The following CTIF variants were observed in gnomAD, a reference collection of about 807,000 sequenced individuals.
CTIF encodes CBP80/20-dependent translation initiation factor.
Under a neutral mutation model 66.0 loss-of-function variants are expected in CTIF, and 21 were observed. The observed-to-expected ratio is 0.32, with a 90% CI of 0.23 to 0.46. CTIF has a LOEUF of 0.46. CTIF is among the 20% of genes least tolerant of loss of function. The pLI is 1.00. For missense variants in CTIF, 739 were observed against 812.7 expected, an observed-to-expected ratio of 0.91 and a Z score of 1.10; for synonymous variants, 345 against 326.4, an observed-to-expected ratio of 1.06 and a Z score of -0.62.
intron 7 of CTIF, among the ~76,000 whole-genome samples, chr18:48,730,637 C>T (rs1343867247): frequency 3.6e-5 from 3 of 83,686 alleles, no homozygotes; most frequent in Admixed American, 2.3e-4. Context: ...TGTGAGGGGC[C>T]CCTGTGGTGT....
At chr18:48,553,742 G>A (rs1433616328) in intron 1 of CTIF, among the ~76,000 whole-genome samples, 3 of 150,648 alleles carry the variant, frequency 2.0e-5, no homozygotes, top group Admixed American at 6.6e-5. Context: ...TGCAAGCTCC[G>A]CCTCCCGGGT....
intron 9 of CTIF, among the ~76,000 whole-genome samples, chr18:48,768,531 C>A (rs1909793217): frequency 6.6e-6 from 1 of 152,196 alleles, no homozygotes; most frequent in African/African-American, 2.4e-5. Flanking sequence ...AAGATTGACC[C>A]AGCATCACGA....
At position 48,546,675 on chromosome 18, in the gene CTIF, G is replaced by A. The variant is rs2088758847; in HGVS notation, c.-29+7363G>A. ...TGCTTCCTGGCCTCAAAGCCCAAGGGTTTGAGTCGTGACTGCATCTCCTCC... is the reference window on the plus strand; with the variant it reads ...TGCTTCCTGGCCTCAAAGCCCAAGGATTTGAGTCGTGACTGCATCTCCTCC... On this transcript the variant is annotated intron_variant, in intron 1 of 11. Coordinates refer to ENST00000256413, the MANE Select transcript of CTIF (RefSeq NM_014772.3). 2.0e-5 allele frequency among the ~76,000 whole-genome samples: 3 copies of A among 152,078 alleles called. No individual in the cohort carries two copies. In the South Asian group the frequency reaches 6.2e-4, roughly 32 times the overall value.
At chr18:48,686,387 CA>C (rs2091840258) in intron 6 of CTIF, among the ~76,000 whole-genome samples, 1 of 152,318 alleles carries the variant, frequency 6.6e-6, no homozygotes, top group African/African-American at 2.4e-5. Context: ...GACTTTCAGG[CA>C]TGAGAACTTG....
intron 1 of CTIF, among the ~76,000 whole-genome samples, chr18:48,597,564 G>T (rs1473515444): frequency 5.1e-5 from 5 of 97,938 alleles, no homozygotes; most frequent in African/African-American, 1.7e-4. Flanking sequence ...CCCTCCCCCC[G>T]CCCCACCCCT....
intron 10 of CTIF, among the ~76,000 whole-genome samples, chr18:48,849,582 C>CTT (rs377281281): frequency 2.0e-3 from 232 of 114,402 alleles, no homozygotes; most frequent in Non-Finnish European, 2.8e-3. Flanking sequence ...CCATTTTAAA[C>CTT]TTTTTTTTTT....
At chr18:48,600,013 A>G (rs2090062058) in intron 1 of CTIF, among the ~76,000 whole-genome samples, 1 of 152,130 alleles carries the variant, frequency 6.6e-6, no homozygotes, top group African/African-American at 2.4e-5. Flanking sequence ...GGGACAACTC[A>G]CCTAGCTGCC....
intron 9 of CTIF, among the ~76,000 whole-genome samples, chr18:48,772,345 G>T (rs573414571): frequency 3.2e-4 from 49 of 152,130 alleles, no homozygotes; most frequent in African/African-American, 1.1e-3. Flanking sequence ...TTCACCATCT[G>T]AACTAGTTTT....
chr18:48,796,399 A>G (rs1477914470), intron 9 of CTIF, among the ~76,000 whole-genome samples: 2 of 152,062 alleles, frequency 1.3e-5, no homozygotes, highest in African/African-American at 4.8e-5. Flanking sequence ...GATGGTCTCC[A>G]TATCCTGACC....
intron 10 of CTIF, among the ~76,000 whole-genome samples, chr18:48,854,967 C>T (rs1367604841): frequency 6.6e-6 from 1 of 150,406 alleles, no homozygotes; most frequent in African/African-American, 2.5e-5. Flanking sequence ...TGCTTACCGC[C>T]ATCTGATAGA....
chr18:48,599,860 G>T (rs1599218735), intron 1 of CTIF, among the ~76,000 whole-genome samples: 1 of 152,206 alleles, frequency 6.6e-6, no homozygotes, highest in African/African-American at 2.4e-5. Flanking sequence ...AGTGTGATGT[G>T]ATGAGCCCTA....
chr18:48,730,937 C>T (rs1283328278), intron 7 of CTIF, among the ~76,000 whole-genome samples: 1 of 152,082 alleles, frequency 6.6e-6, no homozygotes. Flanking sequence ...AAAATCCTGT[C>T]AGATGACCCT....
At chr18:48,624,764 C>T (rs779988981) in intron 2 of CTIF, among the ~76,000 whole-genome samples, 2 of 152,188 alleles carry the variant, frequency 1.3e-5, no homozygotes, top group Non-Finnish European at 2.9e-5. Context: ...CTTTCTCCCC[C>T]TCCATGGCCT....
At chr18:48,600,571 G>A (rs1489927042) in intron 1 of CTIF, among the ~76,000 whole-genome samples, 1 of 151,904 alleles carries the variant, frequency 6.6e-6, no homozygotes, top group African/African-American at 2.4e-5. Flanking sequence ...CAGACACTGA[G>A]GAAGTGACAG....
intron 6 of CTIF, among the ~76,000 whole-genome samples, chr18:48,709,431 A>T (rs981936739): frequency 2.0e-5 from 3 of 152,256 alleles, no homozygotes; most frequent in Non-Finnish European, 4.4e-5. Context: ...TGTGCAGGTA[A>T]GGAGGCCAGG....
chr18:48,744,942 C>G (rs2092584081), intron 7 of CTIF, among the ~76,000 whole-genome samples: 1 of 152,128 alleles, frequency 6.6e-6, no homozygotes, highest in Non-Finnish European at 1.5e-5. Context: ...CCTGCCTCAG[C>G]CTTCCCAGCA....
intron 10 of CTIF, among the ~76,000 whole-genome samples, chr18:48,831,937 T>C (rs2068700722): frequency 6.6e-6 from 1 of 152,192 alleles, no homozygotes; most frequent in South Asian, 2.1e-4. Context: ...CCTGTGGCTA[T>C]TACGCTGGAC....
chr18:48,544,252 A>T (rs1454946008), intron 1 of CTIF, among the ~76,000 whole-genome samples: 1 of 152,212 alleles, frequency 6.6e-6, no homozygotes, highest in African/African-American at 2.4e-5. Context: ...ACTATTTCAC[A>T]CAAATTATCC....
chr18:48,760,112 T>A (rs1037029772), intron 8 of CTIF: 2 of 151,984 alleles, frequency 1.3e-5, no homozygotes, highest in African/African-American at 4.8e-5. Context: ...AGAGTAGCCT[T>A]CCCTGAAGAG....
Sources: gnomAD v4.1 joint callset for allele counts (sites outside exome capture counted in the v4.1 genomes callset) on GRCh38, gnomAD v4.1.1 for gene constraint, MANE v1.5 for transcripts, NCBI Gene and HGNC (gene_info 2026-07-23, HGNC 2026-07-21) for gene names.